The following DACH2 variants were observed in gnomAD, a reference collection of about 807,000 sequenced individuals.
DACH2 encodes dachshund family transcription factor 2, also known as dachshund homolog 2.
In DACH2, 17 loss-of-function variants were observed where a neutral mutation model predicts 35.8. The observed-to-expected ratio is 0.48, with a 90% CI of 0.33 to 0.71. DACH2 has a LOEUF of 0.71. DACH2 is among the 30% of genes least tolerant of loss of function. The pLI is 0.02. For synonymous variants in DACH2, 195 were observed against 177.3 expected (o/e 1.10, Z -0.79); for missense variants, 469 against 472.7 (o/e 0.99, Z 0.07).
chrX:86,642,370 A>G (rs1395710605), intron 3 of DACH2, among the ~76,000 whole-genome samples: 2 of 112,081 alleles, frequency 1.8e-5, no homozygotes, highest in Admixed American at 9.5e-5. Context: ...AGAGCATTAC[A>G]TAATGGTAAA....
rs764775335 is a variant in DACH2, at chrX:86,654,187, TAAAAA to T, written c.772+3043_772+3047del. 3.0e-3 allele frequency among the ~76,000 whole-genome samples: 123 copies of T among 40,448 alleles called. 2 individuals carry two copies. Among genetic ancestry groups the T allele is most frequent in the Admixed American group, 5.2e-3 (12 of 2,318 alleles). The allele number at this position is 40,448 out of a possible 115,157, so 35.1% of individuals were successfully genotyped here. A position where few individuals can be genotyped will look rare whatever the true frequency, so the allele number is the denominator to read the frequency against. On this transcript the variant is annotated intron_variant, in intron 4 of 11. Coordinates refer to ENST00000373125, the MANE Select transcript of DACH2 (RefSeq NM_053281.3). ...GGCCCTGTCTCCCAAACATTTTTAG[TAAAAA>T]AAAAAAAAAAAAAAAAAAAAAACGC...
rs1030889114 is a variant in DACH2 at position 86,412,248 on chromosome X, T to C, written c.527+35386T>C. Among the ~76,000 whole-genome samples the C allele has an allele frequency of 2.7e-5, 3 of 111,554 alleles. No individual in the cohort carries two copies. In the East Asian group the frequency reaches 8.6e-4, roughly 32 times the overall value. ...AGACCTCTAGGCCAGGAGAATGTAA[T>C]GTTGTGGGAACGGAAAGCAAAAATT... On this transcript the variant is annotated intron_variant, in intron 2 of 11. Coordinates refer to ENST00000373125, the MANE Select transcript of DACH2 (RefSeq NM_053281.3).
chrX:86,377,032 G>C (rs1429154935), intron 2 of DACH2, among the ~76,000 whole-genome samples, 170 bp downstream of exon 2: 1 of 111,083 alleles, frequency 9.0e-6, no homozygotes, highest in Admixed American at 9.6e-5. Context: ...TTAATCCTCA[G>C]TTCATTAGAA....
chrX:86,586,737 G>T (rs1346183807), intron 3 of DACH2, among the ~76,000 whole-genome samples: 1 of 110,355 alleles, frequency 9.1e-6, no homozygotes, highest in Non-Finnish European at 1.9e-5. Flanking sequence ...GATGTATTAT[G>T]CAGGCTTAGT....
chrX:86,728,574 C>A (rs1445695741), intron 6 of DACH2, among the ~76,000 whole-genome samples: 2 of 112,538 alleles, frequency 1.8e-5, no homozygotes, highest in African/African-American at 6.4e-5. Flanking sequence ...CTTCATGCAG[C>A]CCCTCCCATC....
chrX:86,797,898 T>G (rs911770307), intron 7 of DACH2, among the ~76,000 whole-genome samples: 2 of 111,807 alleles, frequency 1.8e-5, no homozygotes, highest in East Asian at 5.6e-4. Flanking sequence ...TATAATGCGT[T>G]CCACACTTAA....
chrX:86,292,770 A>G (rs963485591), intron 1 of DACH2, among the ~76,000 whole-genome samples: 1 of 111,852 alleles, frequency 8.9e-6, no homozygotes, highest in Admixed American at 9.5e-5. Flanking sequence ...TTCTAGTTTG[A>G]TTGCACTGTA....
intron 1 of DACH2, among the ~76,000 whole-genome samples, chrX:86,256,291 T>C (rs1011874495): frequency 9.0e-6 from 1 of 111,401 alleles, no homozygotes; most frequent in Admixed American, 9.6e-5. Context: ...AGCATGGTAT[T>C]TCTCTACATA....
intron 3 of DACH2, among the ~76,000 whole-genome samples, chrX:86,600,613 A>C (rs942372724): frequency 4.5e-5 from 5 of 112,029 alleles, no homozygotes; most frequent in Admixed American, 2.9e-4. Context: ...GGTCAGTGGT[A>C]TATCTGTTAA....
At chrX:86,379,514 GAA>G (rs1281810657) in intron 2 of DACH2, among the ~76,000 whole-genome samples, 1 of 109,415 alleles carries the variant, frequency 9.1e-6, no homozygotes, top group Non-Finnish European at 1.9e-5. Context: ...AAGAAAGAAA[GAA>G]AAAGAGAAAG....
Position 86,571,966 on chromosome X carries a change from A to G in DACH2, c.640+57575A>G, listed in dbSNP as rs112054495. On this transcript the variant is annotated intron_variant, in intron 3 of 11. Transcript: ENST00000373125. ...GATTTTTAGGGTACAAAACTTGCACATATTTCACTAAATTCATTCCTGTAT... is the reference window on the plus strand; with the variant it reads ...GATTTTTAGGGTACAAAACTTGCACGTATTTCACTAAATTCATTCCTGTAT... Among the ~76,000 whole-genome samples the G allele has an allele frequency of 7.8e-3, 872 of 111,198 alleles. 10 individuals carry two copies. Among genetic ancestry groups the G allele is most frequent in the African/African-American group, 0.027 (840 of 30,621 alleles).
intron 2 of DACH2, among the ~76,000 whole-genome samples, chrX:86,416,163 C>T (rs2036700201): frequency 8.9e-6 from 1 of 112,128 alleles, no homozygotes; most frequent in African/African-American, 3.2e-5. Context: ...GAAAACTCTT[C>T]TTTTGTATCT....
intron 3 of DACH2, among the ~76,000 whole-genome samples, chrX:86,567,970 C>T (rs2039314533): frequency 9.0e-6 from 1 of 111,238 alleles, no homozygotes. Context: ...ATATTATTCG[C>T]TGCTAAAAGA....
At position 86,508,404 on chromosome X, in the gene DACH2, C is replaced by A. The variant is rs780311554; in HGVS notation, c.528-5875C>A. On this transcript the variant is annotated intron_variant, in intron 2 of 11. Transcript: ENST00000373125. ...CAAAACCCCGTCTCTACTAAAAATG[C>A]AAAAAATTAGTCGGGCGTGGTGGGG... 2.7e-5 allele frequency among the ~76,000 whole-genome samples: 3 copies of A among 109,269 alleles called. No homozygotes were observed. In the South Asian group the frequency reaches 1.2e-3, roughly 44 times the overall value. The allele number at this position is 109,269 out of a possible 115,157, so 94.9% of individuals were successfully genotyped here.
chrX:86,401,419 G>T (rs1417845073), intron 2 of DACH2, among the ~76,000 whole-genome samples: 1 of 112,110 alleles, frequency 8.9e-6, no homozygotes, highest in Non-Finnish European at 1.9e-5. Flanking sequence ...CCAGTGAGAT[G>T]AACCCGGTAC....
intron 3 of DACH2, among the ~76,000 whole-genome samples, chrX:86,541,229 T>C (rs1458246553): frequency 8.9e-6 from 1 of 112,022 alleles, no homozygotes; most frequent in Non-Finnish European, 1.9e-5. Flanking sequence ...CTCAATGGTT[T>C]CAGAATATAT....
chrX:86,406,993 A>G, intron 2 of DACH2, among the ~76,000 whole-genome samples: 1 of 112,505 alleles, frequency 8.9e-6, no homozygotes, highest in South Asian at 3.6e-4. Context: ...AATTAGTGTC[A>G]GACCAAATTA....
intron 3 of DACH2, among the ~76,000 whole-genome samples, chrX:86,618,687 A>T (rs1023360159): frequency 2.7e-5 from 3 of 112,208 alleles, no homozygotes; most frequent in Non-Finnish European, 5.6e-5. Flanking sequence ...TAATTTGCAA[A>T]TTTAAAAGAC....
intron 1 of DACH2, among the ~76,000 whole-genome samples, chrX:86,187,682 T>A (rs1003052929): frequency 8.1e-5 from 9 of 111,199 alleles, no homozygotes; most frequent in Non-Finnish European, 5.7e-5. Context: ...CACCTTAGCC[T>A]CCCAAAGCGC....
Sources: gnomAD v4.1 joint callset for allele counts (sites outside exome capture counted in the v4.1 genomes callset) on GRCh38, gnomAD v4.1.1 for gene constraint, MANE v1.5 for transcripts, NCBI Gene and HGNC (gene_info 2026-07-23, HGNC 2026-07-21) for gene names.